Variants in DCBLD2 observed in about 807,000 individuals in gnomAD.
DCBLD2 encodes discoidin, CUB and LCCL domain-containing protein 2.
In DCBLD2, 54 loss-of-function variants were observed where a neutral mutation model predicts 86.8. The observed-to-expected ratio is 0.62, with a 90% CI of 0.50 to 0.78. The LOEUF is 0.78. Ranked by LOEUF, DCBLD2 falls within the 30% of genes least tolerant of loss-of-function variation. DCBLD2 has a pLI of 0.00. For synonymous variants in DCBLD2, 354 were observed against 341.3 expected, an observed-to-expected ratio of 1.04 and a Z score of -0.41; for missense variants, 908 against 954.2, an observed-to-expected ratio of 0.95 and a Z score of 0.64.
At chr3:98,866,112 A>T (rs1015375789) in intron 2 of DCBLD2, among the ~76,000 whole-genome samples, 6 of 152,042 alleles carry the variant, frequency 3.9e-5, no homozygotes, top group African/African-American at 1.2e-4. Flanking sequence ...TCTATCATTG[A>T]TGGACATCTG....
intron 13 of DCBLD2, among the ~76,000 whole-genome samples, chr3:98,803,382 G>C (rs1315698782): frequency 6.6e-6 from 1 of 152,140 alleles, no homozygotes; most frequent in Non-Finnish European, 1.5e-5. Context: ...TGTGATTTTT[G>C]TACATTGATT....
intron 3 of DCBLD2, among the ~76,000 whole-genome samples, chr3:98,838,694 G>C (rs1942538569): frequency 6.6e-6 from 1 of 152,106 alleles, no homozygotes; most frequent in Admixed American, 6.5e-5. Flanking sequence ...GCCAAGGCAG[G>C]CGGCTGGGAG....
In DCBLD2 at chr3:98,901,190, G is replaced by A. The variant is rs1240194247; in HGVS notation, c.137C>T (p.Ser46Phe). ...LPPCSNSSSF[S>F]MPLFLLLLLV... The stretch of plus-strand genomic sequence containing the variant: ...TAAGAGCAGGAGGAACAGAGGCATG[G>A]AGAAGGAGGAGGAGTTGGAGCAGGG... The change falls in exon 1 of 16, where the codon TCC (serine) becomes TTC (phenylalanine). Residue 46 changes from serine (S) to phenylalanine (F), a missense_variant. Around this residue, in one of 3 missense-constraint regions of DCBLD2, gnomAD observed 294 missense variants for 256.0 expected, o/e 1.15. Transcript: ENST00000326840. The A allele has an allele frequency of 2.0e-6, 3 of 1,537,118 alleles. No homozygotes were observed. Among genetic ancestry groups the A allele is most frequent in the African/African-American group, 1.4e-5 (1 of 73,136 alleles).
chr3:98,833,452 T>C (rs1576169344), intron 3 of DCBLD2, among the ~76,000 whole-genome samples: 2 of 152,374 alleles, frequency 1.3e-5, no homozygotes, highest in African/African-American at 4.8e-5. Context: ...CAACTCAGCC[T>C]GGTTAAGAAC....
chr3:98,808,184 C>A lies in DCBLD2; in HGVS notation c.1577-10G>T. 3 of 1,586,004 alleles carry A rather than the reference C, an allele frequency of 1.9e-6. No individual in the cohort carries two copies. Among genetic ancestry groups the A allele is most frequent in the Non-Finnish European group, 2.6e-6 (3 of 1,167,776 alleles). Reference sequence around the variant, plus strand: ...GCAGCCAGCGCTACATCTGAAGTTACAAAGACAAAAACAGACAAACAAAAG... The same window carrying A: ...GCAGCCAGCGCTACATCTGAAGTTAAAAAGACAAAAACAGACAAACAAAAG... On this transcript the variant is annotated splice_polypyrimidine_tract_variant and intron_variant, in intron 12 of 15. Transcript: ENST00000326840.
At chr3:98,889,621 C>A (rs979815039) in intron 1 of DCBLD2, among the ~76,000 whole-genome samples, 2 of 151,940 alleles carry the variant, frequency 1.3e-5, no homozygotes, top group African/African-American at 2.4e-5. Context: ...GAAAAAATAA[C>A]CTATAGGTAA....
chr3:98,841,997 G>A (rs533339305), intron 3 of DCBLD2, among the ~76,000 whole-genome samples: 8 of 152,256 alleles, frequency 5.3e-5, no homozygotes, highest in South Asian at 4.2e-4. Flanking sequence ...CCCGAGAGGC[G>A]GAGGCTGCAG....
At chr3:98,878,449 C>G (rs1252974377) in intron 2 of DCBLD2, among the ~76,000 whole-genome samples, 1 of 152,018 alleles carries the variant, frequency 6.6e-6, no homozygotes, top group Non-Finnish European at 1.5e-5. Flanking sequence ...ACTCTCTTCT[C>G]CTTTAATGCT....
In DCBLD2 at chr3:98,797,569, T is replaced by C. The variant is rs1399279131; in HGVS notation, c.*1803A>G. ...TATATGTTTTAATAAAAGTCTACCA[T>C]CTATGTCTTTTGTTTCAAACATTTT... On this transcript the variant is annotated 3_prime_UTR_variant, in exon 16 of 16. Coordinates refer to ENST00000326840, the MANE Select transcript of DCBLD2 (RefSeq NM_080927.4). 6.6e-6 allele frequency: 1 copy of C among 152,424 alleles called. No homozygotes were observed. The highest frequency in any genetic ancestry group is 1.9e-4 in the East Asian group (1 of 5,202). 9.4% of individuals were successfully genotyped at this position (152,424 alleles called of 1,614,324 possible). A position where few individuals can be genotyped will look rare whatever the true frequency, so the allele number is the denominator to read the frequency against.
intron 3 of DCBLD2, among the ~76,000 whole-genome samples, chr3:98,847,515 AG>A (rs1265217050): frequency 2.0e-5 from 3 of 152,216 alleles, no homozygotes; most frequent in African/African-American, 7.2e-5. Context: ...TTATAAACTA[AG>A]GAAAGGCAGG....
Position 98,865,048 on chromosome 3 carries a change from T to C in DCBLD2, c.434-15450A>G, listed in dbSNP as rs184268262. ...AGTATAGCTGTTATGAAAACCAGTA[T>C]GGAAGTTCCTCAAAAAATTAAAAAT... is the stretch of plus-strand genomic sequence containing the variant. On this transcript the variant is annotated intron_variant, in intron 2 of 15. Transcript: ENST00000326840. Among the ~76,000 whole-genome samples, 687 of 152,234 alleles carry C rather than the reference T, an allele frequency of 4.5e-3. 5 individuals are homozygous for C. The highest frequency in any genetic ancestry group is 7.2e-3 in the Admixed American group (110 of 15,290).
chr3:98,878,825 G>C (rs151165365), intron 2 of DCBLD2, among the ~76,000 whole-genome samples: 3 of 152,220 alleles, frequency 2.0e-5, no homozygotes, highest in Non-Finnish European at 4.4e-5. Context: ...AAAAGCAATG[G>C]AAATAAGGGA....
rs77273759 is a variant in DCBLD2 at position 98,888,936 on chromosome 3, G to A, written c.206-7169C>T. Reference sequence around the variant, plus strand: ...AAAAACTTTAACATCTCGCTCTTCTGGTTACAGTCTCCTGACCTCTCAGCT... The same window carrying A: ...AAAAACTTTAACATCTCGCTCTTCTAGTTACAGTCTCCTGACCTCTCAGCT... On this transcript the variant is annotated intron_variant, in intron 1 of 15. Transcript: ENST00000326840. 2.0e-5 allele frequency among the ~76,000 whole-genome samples: 3 copies of A among 151,828 alleles called. No individual in the cohort carries two copies. In the East Asian group the frequency reaches 5.8e-4, roughly 29 times the overall value.
intron 13 of DCBLD2, among the ~76,000 whole-genome samples, chr3:98,803,788 A>G (rs1383376072): frequency 2.0e-5 from 3 of 152,202 alleles, no homozygotes; most frequent in Non-Finnish European, 2.9e-5. Flanking sequence ...CCTTTTCTGC[A>G]TTTATTGAGA....
At chr3:98,803,047 T>C (rs1471278717) in intron 13 of DCBLD2, among the ~76,000 whole-genome samples, 3 of 152,098 alleles carry the variant, frequency 2.0e-5, no homozygotes, top group South Asian at 2.1e-4. Flanking sequence ...TTTTTGGTTC[T>C]ATATGAACTT....
intron 2 of DCBLD2, among the ~76,000 whole-genome samples, chr3:98,866,618 A>G (rs566779736): frequency 2.0e-5 from 3 of 152,184 alleles, no homozygotes; most frequent in Admixed American, 2.0e-4. Flanking sequence ...CCTTTGTCTG[A>G]TGAGTAGATT....
chr3:98,849,580 C>T lies in DCBLD2; in HGVS notation c.452G>A (p.Gly151Glu). 1 of 1,611,848 alleles carries T rather than the reference C, an allele frequency of 6.2e-7. No individual in the cohort carries two copies. Among genetic ancestry groups the T allele is most frequent in the Non-Finnish European group, 8.5e-7 (1 of 1,178,270 alleles). ...RTEIGKYCGLGLQMNHSIESK... is the reference protein window; with the variant it reads ...RTEIGKYCGLELQMNHSIESK... Reference sequence around the variant, plus strand: ...TTCAATTGAATGGTTCATTTGCAACCCCAGACCACAGTATTTGCCTAGGAA... The same window carrying T: ...TTCAATTGAATGGTTCATTTGCAACTCCAGACCACAGTATTTGCCTAGGAA... Residue 151 changes from glycine (G) to glutamate (E), a missense_variant, in exon 3 of 16, where the codon GGG becomes GAG. Gly to Glu is a moderately conservative substitution (Grantham distance 98). This residue lies in a region of DCBLD2 where 294 missense variants were observed against 256.0 expected (regional missense o/e 1.15). Coordinates refer to ENST00000326840, the MANE Select transcript of DCBLD2 (RefSeq NM_080927.4).
intron 2 of DCBLD2, among the ~76,000 whole-genome samples, chr3:98,880,385 A>G (rs1246413165): frequency 6.6e-6 from 1 of 152,246 alleles, no homozygotes; most frequent in Non-Finnish European, 1.5e-5. Flanking sequence ...GAGAATTCCT[A>G]ATTTTATAAT....
chr3:98,865,402 A>C (rs1282372495), intron 2 of DCBLD2, among the ~76,000 whole-genome samples: 1 of 152,232 alleles, frequency 6.6e-6, no homozygotes, highest in Non-Finnish European at 1.5e-5. Flanking sequence ...ACTCACATGT[A>C]GAATCTAAAA....
Sources: allele counts gnomAD v4.1 joint callset (sites outside exome capture counted in the v4.1 genomes callset), GRCh38; gene constraint gnomAD v4.1.1; regional missense constraint gnomAD v4.1.1; transcripts MANE v1.5; gene names NCBI Gene and HGNC (gene_info 2026-07-23, HGNC 2026-07-21).